Variants in PRRX1 observed in about 807,000 individuals in gnomAD.
PRRX1 encodes paired related homeobox 1.
PRRX1 carries 8 observed loss-of-function variants against 24.0 expected under a neutral mutation model. The ratio of observed to expected loss-of-function variants is 0.33; its 90% CI spans 0.20 to 0.60. PRRX1 has a LOEUF of 0.60. PRRX1 is among the 20% of genes least tolerant of loss of function. The pLI is 0.82. For missense variants in PRRX1, 281 were observed against 322.4 expected (o/e 0.87, Z 0.98); for synonymous variants, 160 against 131.7 (o/e 1.22, Z -1.47).
At chr1:170,671,628 T>A (rs1166861631) in intron 1 of PRRX1, among the ~76,000 whole-genome samples, 1 of 152,206 alleles carries the variant, frequency 6.6e-6, no homozygotes, top group African/African-American at 2.4e-5. Flanking sequence ...GAAATAATAG[T>A]TTGATGACAC....
At chr1:170,712,766 A>T (rs1407194729) in intron 1 of PRRX1, among the ~76,000 whole-genome samples, 1 of 152,226 alleles carries the variant, frequency 6.6e-6, no homozygotes, top group Non-Finnish European at 1.5e-5. Flanking sequence ...CCACACAGCT[A>T]GTCAGTGGCA....
intron 1 of PRRX1, among the ~76,000 whole-genome samples, chr1:170,671,077 T>G (rs1248583163): frequency 6.6e-6 from 1 of 152,184 alleles, no homozygotes; most frequent in Non-Finnish European, 1.5e-5. Flanking sequence ...CTGAAATTCA[T>G]GTATTAATTT....
intron 1 of PRRX1, among the ~76,000 whole-genome samples, chr1:170,693,317 A>G (rs964759410): frequency 5.9e-5 from 9 of 152,104 alleles, no homozygotes; most frequent in African/African-American, 1.7e-4. Context: ...ACAGCATGCA[A>G]GTGTGATTAG....
intron 3 of PRRX1, among the ~76,000 whole-genome samples, chr1:170,735,462 A>G (rs1174683299): frequency 1.3e-5 from 2 of 152,030 alleles, no homozygotes; most frequent in Non-Finnish European, 2.9e-5. Flanking sequence ...CTCTTGATTC[A>G]GCAAGCTTGG....
At position 170,675,832 on chromosome 1, in the gene PRRX1, G is replaced by A. The variant is rs559169732; in HGVS notation, c.241+11373G>A. Among the ~76,000 whole-genome samples, 229 of 152,162 alleles carry A rather than the reference G, an allele frequency of 1.5e-3. 1 individual carries two copies. The highest frequency in any genetic ancestry group is 2.1e-3 in the Non-Finnish European group (146 of 67,966). On this transcript the variant is annotated intron_variant, in intron 1 of 3. Transcript: ENST00000239461. Reference sequence around the variant, plus strand: ...AAGTGATATAAAATCCCGTAGAACAGAAATTTTAAATTATGAATGACATAT... The same window carrying A: ...AAGTGATATAAAATCCCGTAGAACAAAAATTTTAAATTATGAATGACATAT...
chr1:170,733,435 T>C (rs1016443393), intron 3 of PRRX1, among the ~76,000 whole-genome samples: 1 of 152,172 alleles, frequency 6.6e-6, no homozygotes, highest in Non-Finnish European at 1.5e-5. Context: ...ACACATCATC[T>C]TTCAGAAAAT....
intron 1 of PRRX1, among the ~76,000 whole-genome samples, chr1:170,674,861 A>T (rs1276712993): frequency 6.6e-6 from 1 of 152,170 alleles, no homozygotes; most frequent in Non-Finnish European, 1.5e-5. Context: ...CAAGACACCA[A>T]TTTTTCACCA....
At chr1:170,709,552 T>A (rs1347745447) in intron 1 of PRRX1, among the ~76,000 whole-genome samples, 1 of 152,180 alleles carries the variant, frequency 6.6e-6, no homozygotes, top group East Asian at 1.9e-4. Context: ...CGTTCCTGGC[T>A]CTGATGGTCA....
intron 1 of PRRX1, among the ~76,000 whole-genome samples, chr1:170,698,077 C>T (rs918745720): frequency 2.6e-5 from 4 of 151,816 alleles, no homozygotes; most frequent in South Asian, 2.1e-4. Flanking sequence ...ACACATATTA[C>T]GCTATTTTAC....
Position 170,726,379 on chromosome 1 carries a change from T to G in PRRX1, c.577T>G (p.Trp193Gly). Residue 193 changes from tryptophan (W) to glycine (G), a missense_variant, in exon 3 of 4, where the codon TGG (tryptophan) becomes GGG (glycine). Trp to Gly is a radical substitution (Grantham distance 184). Transcript: ENST00000239461. ...PAPRPTDYLS[W>G]GTASPYSAMA... Reference sequence around the variant, plus strand: ...TCCGAGACCCACCGATTATCTCTCCTGGGGGACAGCGTCTCCGTACAGGTG... The same window carrying G: ...TCCGAGACCCACCGATTATCTCTCCGGGGGGACAGCGTCTCCGTACAGGTG... 1 of 1,614,002 alleles carries G rather than the reference T, an allele frequency of 6.2e-7. No homozygotes were observed. Among genetic ancestry groups the G allele is most frequent in the Non-Finnish European group, 8.5e-7 (1 of 1,179,894 alleles).
upstream of PRRX1, chr1:170,664,108 C>CTCTCTCT: frequency 1.6e-6 from 1 of 636,246 alleles, no homozygotes. Context: ...TCTCTCTCTC[C>CTCTCTCT]ACTACCCCCC....
At chr1:170,668,027 T>A (rs1020731164) in intron 1 of PRRX1, 2 of 152,154 alleles carry the variant, frequency 1.3e-5, no homozygotes, top group African/African-American at 4.8e-5. Flanking sequence ...TGGTTGATAT[T>A]CACTACACTG....
chr1:170,664,566 A>T, intron 1 of PRRX1, 107 bp downstream of exon 1: 1 of 1,459,204 alleles, frequency 6.9e-7, no homozygotes, highest in Admixed American at 2.4e-5. Context: ...AGGTCCTGGG[A>T]CCAGGAGAGG....
intron 1 of PRRX1, among the ~76,000 whole-genome samples, chr1:170,692,700 C>T (rs543948467): frequency 8.5e-5 from 12 of 140,768 alleles, no homozygotes; most frequent in South Asian, 2.5e-4. Context: ...AACCCCTTAA[C>T]GAACTAACAA....
chr1:170,717,703 G>A (rs551396132), intron 1 of PRRX1, among the ~76,000 whole-genome samples: 1 of 151,954 alleles, frequency 6.6e-6, no homozygotes, highest in South Asian at 2.1e-4. Flanking sequence ...CCTGAAGTAC[G>A]AGACAAAATG....
intron 1 of PRRX1, among the ~76,000 whole-genome samples, chr1:170,674,451 C>T (rs1464990529): frequency 6.6e-6 from 1 of 152,200 alleles, no homozygotes; most frequent in Non-Finnish European, 1.5e-5. Context: ...CCCATCACAC[C>T]TCCTTGCGAA....
At chr1:170,700,663 G>A (rs577634525) in intron 1 of PRRX1, among the ~76,000 whole-genome samples, 2 of 152,258 alleles carry the variant, frequency 1.3e-5, no homozygotes, top group African/African-American at 2.4e-5. Flanking sequence ...AAGCATTAAT[G>A]TTTGTCTCAT....
At chr1:170,715,760 C>T (rs1654886079) in intron 1 of PRRX1, among the ~76,000 whole-genome samples, 1 of 152,194 alleles carries the variant, frequency 6.6e-6, no homozygotes, top group African/African-American at 2.4e-5. Flanking sequence ...AGAATGGTTG[C>T]ATTTTTTAAT....
chr1:170,672,003 A>G (rs766504725), intron 1 of PRRX1, among the ~76,000 whole-genome samples: 2 of 152,192 alleles, frequency 1.3e-5, no homozygotes. Flanking sequence ...GTGTTAAGAC[A>G]GAAGAGAAAA....
Sources: gnomAD v4.1 joint callset for allele counts (sites outside exome capture counted in the v4.1 genomes callset) on GRCh38, gnomAD v4.1.1 for gene constraint, MANE v1.5 for transcripts, NCBI Gene and HGNC (gene_info 2026-07-23, HGNC 2026-07-21) for gene names.